The following ACCSL variants were observed in gnomAD, a reference collection of about 807,000 sequenced individuals.
ACCSL encodes 1-aminocyclopropane-1-carboxylate synthase homolog (inactive) like, also known as probable inactive 1-aminocyclopropane-1-carboxylate synthase-like protein 2.
In ACCSL, 55 loss-of-function variants were observed where a neutral mutation model predicts 61.7. That is an observed-to-expected ratio of 0.89 (90% confidence interval 0.72 to 1.12). ACCSL has a LOEUF of 1.12. Ranked by LOEUF, ACCSL falls within the 50% of genes most tolerant of loss-of-function variation. The pLI is 0.00. For missense variants in ACCSL, 632 were observed against 698.0 expected, an observed-to-expected ratio of 0.91 and a Z score of 1.07; for synonymous variants, 258 against 264.3, an observed-to-expected ratio of 0.98 and a Z score of 0.23.
the ACCSL span, among the ~76,000 whole-genome samples, chr11:44,016,205 C>T: frequency 2.0e-5 from 3 of 152,120 alleles, no homozygotes; most frequent in African/African-American, 7.2e-5. Context: ...CAATTTTAGC[C>T]AACTGCTACT....
the ACCSL span, among the ~76,000 whole-genome samples, chr11:43,990,029 C>A: frequency 6.6e-6 from 1 of 152,230 alleles, no homozygotes; most frequent in Non-Finnish European, 1.5e-5. Context: ...ATGATTCCTC[C>A]CTCTCCCTTA....
the ACCSL span, among the ~76,000 whole-genome samples, chr11:43,968,123 A>C: frequency 6.6e-6 from 1 of 152,136 alleles, no homozygotes; most frequent in African/African-American, 2.4e-5. Flanking sequence ...TAGTAAGTAG[A>C]ACCCGGGGAT....
At chr11:43,951,471 C>T in the ACCSL span, among the ~76,000 whole-genome samples, 2 of 152,192 alleles carry the variant, frequency 1.3e-5, no homozygotes, top group Non-Finnish European at 2.9e-5. Context: ...AGGCTCCAGA[C>T]CTCTGGGGAG....
chr11:44,044,014 T>G (rs186817534), upstream of ACCSL, among the ~76,000 whole-genome samples: 4 of 152,364 alleles, frequency 2.6e-5, no homozygotes, highest in Admixed American at 2.0e-4. Flanking sequence ...TGTTTATTTA[T>G]GTACCTGATT....
chr11:44,007,465 A>T, the ACCSL span, among the ~76,000 whole-genome samples: 1 of 152,210 alleles, frequency 6.6e-6, no homozygotes, highest in Non-Finnish European at 1.5e-5. Flanking sequence ...GAGCCCCCAT[A>T]GAAACAGACC....
chr11:44,027,628 G>A, the ACCSL span, among the ~76,000 whole-genome samples: 1,781 of 152,314 alleles, frequency 0.012, 17 homozygotes, highest in Middle Eastern at 0.031. Context: ...TAAAGGAGGT[G>A]AAGAAATGTT....
At chr11:43,972,972 ATC>A in the ACCSL span, among the ~76,000 whole-genome samples, 2 of 152,228 alleles carry the variant, frequency 1.3e-5, no homozygotes, top group African/African-American at 2.4e-5. Context: ...GTGAGACTCC[ATC>A]TCTCTCTTTT....
the ACCSL span, among the ~76,000 whole-genome samples, chr11:43,992,163 C>T: frequency 1.3e-5 from 2 of 151,620 alleles, no homozygotes; most frequent in African/African-American, 2.4e-5. Context: ...GGGATCCTCC[C>T]ACCTCAGCCT....
chr11:44,058,356 G>A lies in ACCSL; in HGVS notation c.1367G>A (p.Arg456Gln), dbSNP rs772094369. 63 of 1,614,136 alleles carry A rather than the reference G, an allele frequency of 3.9e-5. No individual in the cohort carries two copies. Among genetic ancestry groups the A allele is most frequent in the East Asian group, 8.9e-5 (4 of 44,888 alleles). The change falls in exon 12 of 14, where the codon CGG (arginine) becomes CAG (glutamine). Residue 456 changes from arginine to glutamine, a missense_variant. Transcript: ENST00000378832. ...DKVYLPTNCY[R>Q]LREAHKYITA... ...GTATACCTACCCACCAATTGCTACC[G>A]GCTCCGGGAAGCTCACAAGTACATC...
chr11:44,048,566 C>CA, intron 1 of ACCSL, 26 bp downstream of exon 1: 1 of 1,091,286 alleles, frequency 9.2e-7, no homozygotes, highest in South Asian at 4.1e-5. Flanking sequence ...GGGGGGTGGG[C>CA]AGCATCCTCA....
intron 13 of ACCSL, 74 bp from the exon 14 acceptor site, chr11:44,059,764 C>T: frequency 8.0e-7 from 1 of 1,256,324 alleles, no homozygotes; most frequent in South Asian, 1.4e-5. Context: ...TTGACCATGA[C>T]CTGGGTATGT....
At chr11:43,987,092 G>A in the ACCSL span, among the ~76,000 whole-genome samples, 10 of 149,646 alleles carry the variant, frequency 6.7e-5, no homozygotes, top group Non-Finnish European at 1.5e-4. Context: ...CCACCCCCGA[G>A]TCTTCTTCAA....
the ACCSL span, among the ~76,000 whole-genome samples, chr11:43,970,069 A>C: frequency 1 from 152,045 of 152,168 alleles, 75,962 homozygotes; most frequent in Middle Eastern, 1. Context: ...GTAATCCCAG[A>C]ACTTGGGAGA....
chr11:43,994,423 C>T, the ACCSL span, among the ~76,000 whole-genome samples: 1 of 152,138 alleles, frequency 6.6e-6, no homozygotes, highest in Non-Finnish European at 1.5e-5. Flanking sequence ...GTGGCCATAC[C>T]ATTATTCAAT....
chr11:43,959,971 T>C, the ACCSL span, among the ~76,000 whole-genome samples: 1 of 152,136 alleles, frequency 6.6e-6, no homozygotes, highest in Non-Finnish European at 1.5e-5. Context: ...CCCTTCAATG[T>C]GCCGCTGCCC....
At chr11:44,007,953 T>A in the ACCSL span, among the ~76,000 whole-genome samples, 1 of 152,174 alleles carries the variant, frequency 6.6e-6, no homozygotes, top group South Asian at 2.1e-4. Flanking sequence ...TCCCTCAAGG[T>A]GGCTCAGGCA....
At chr11:43,936,768 G>A in the ACCSL span, among the ~76,000 whole-genome samples, 2 of 149,928 alleles carry the variant, frequency 1.3e-5, no homozygotes. Flanking sequence ...AGTGGTCCTG[G>A]CCCTAGGGAC....
chr11:43,922,233 A>G, the ACCSL span: 4 of 152,232 alleles, frequency 2.6e-5, no homozygotes, highest in African/African-American at 9.7e-5. Flanking sequence ...GAGAGGTCCT[A>G]TTCCCATTGT....
the ACCSL span, among the ~76,000 whole-genome samples, chr11:43,940,394 T>G: frequency 6.6e-6 from 1 of 151,816 alleles, no homozygotes; most frequent in Non-Finnish European, 1.5e-5. Context: ...CTTGCTCCAT[T>G]GCCCAGGCTG....
Sources: gnomAD v4.1 joint callset for allele counts (sites outside exome capture counted in the v4.1 genomes callset) on GRCh38, gnomAD v4.1.1 for gene constraint, MANE v1.5 for transcripts, NCBI Gene and HGNC (gene_info 2026-07-23, HGNC 2026-07-21) for gene names.